Variants in ZNF345 observed in about 807,000 individuals in gnomAD.
ZNF345 encodes the protein zinc finger protein 345, also known as zinc finger protein HZF10.
For synonymous variants in ZNF345, 166 were observed against 187.9 expected (o/e 0.88, Z 0.95); for missense variants, 527 against 589.9 (o/e 0.89, Z 1.10).
chr19:36,853,244 T>A (rs2072326252), intron 2 of ZNF345, among the ~76,000 whole-genome samples: 1 of 147,038 alleles, frequency 6.8e-6, no homozygotes, highest in Non-Finnish European at 1.5e-5. Flanking sequence ...TTTCTTTCTT[T>A]CTTTTTTTTT....
chr19:36,882,062 A>G (rs4452068), downstream of ZNF345, among the ~76,000 whole-genome samples: 2,040 of 142,784 alleles, frequency 0.014, 16 homozygotes, highest in Middle Eastern at 0.042. Context: ...TTTTTTTTTT[A>G]AAAAAAACCT....
In ZNF345 at chr19:36,877,339, G is replaced by T; in HGVS notation, c.509G>T (p.Gly170Val). The T allele has an allele frequency of 6.2e-7, 1 of 1,613,954 alleles. No individual in the cohort carries two copies. The highest frequency in any genetic ancestry group is 8.5e-7 in the Non-Finnish European group (1 of 1,179,978). ...GLIRHQIIHS[G>V]EKPYECKECG... ...ATTCGACATCAGATCATTCACAGTG[G>T]TGAGAAGCCTTATGAGTGTAAGGAA... The change falls in exon 3 of 3, where the codon GGT (glycine) becomes GTT (valine). Residue 170 changes from glycine (G) to valine (V), a missense_variant. By Grantham distance (109) the Gly-to-Val change is moderately radical. Transcript: ENST00000420450.
chr19:36,862,599 G>T (rs1438316762), intron 2 of ZNF345, among the ~76,000 whole-genome samples: 6 of 150,648 alleles, frequency 4.0e-5, no homozygotes, highest in Admixed American at 4.0e-4. Context: ...GGGAGGCAGA[G>T]GTTGCAGTGA....
chr19:36,859,315 C>T (rs1161533996), intron 2 of ZNF345, among the ~76,000 whole-genome samples: 2 of 151,828 alleles, frequency 1.3e-5, no homozygotes, highest in Non-Finnish European at 1.5e-5. Context: ...ACCGCCACAC[C>T]CAGCTAATAT....
chr19:36,850,733 G>A (rs1444168401), upstream of ZNF345: 2 of 152,242 alleles, frequency 1.3e-5, no homozygotes, highest in African/African-American at 4.8e-5. Flanking sequence ...GCCAGAGTCC[G>A]CGCCAGGGGA....
intron 2 of ZNF345, among the ~76,000 whole-genome samples, chr19:36,861,221 A>T (rs2072540075): frequency 6.6e-6 from 1 of 152,178 alleles, no homozygotes; most frequent in African/African-American, 2.4e-5. Context: ...TGGAATGATA[A>T]GATGTTCCAG....
intron 3 of ZNF345, chr19:36,891,472 T>G: frequency 1.3e-6 from 2 of 1,516,934 alleles, no homozygotes; most frequent in Non-Finnish European, 1.8e-6. Flanking sequence ...GTTAACAAAA[T>G]GGTCTTACTT....
chr19:36,864,366 A>G (rs1247192583), intron 2 of ZNF345, among the ~76,000 whole-genome samples: 6 of 151,900 alleles, frequency 3.9e-5, no homozygotes, highest in Admixed American at 6.6e-5. Flanking sequence ...AAAACAGCCA[A>G]TTAGCCAGGT....
chr19:36,884,762 GAC>G (rs1243867115), intron 3 of ZNF345, among the ~76,000 whole-genome samples: 1 of 152,168 alleles, frequency 6.6e-6, no homozygotes, highest in African/African-American at 2.4e-5. Flanking sequence ...GCCAAACCAA[GAC>G]ACTGTTATTG....
At chr19:36,884,046 T>C (rs1344426139), downstream of ZNF345, among the ~76,000 whole-genome samples, 2 of 149,434 alleles carry the variant, frequency 1.3e-5, no homozygotes, top group Admixed American at 1.3e-4. Flanking sequence ...GATAATACTA[T>C]ACCTATGATT....
In ZNF345 at chr19:36,892,072, T is replaced by C. The variant is rs760218666; in HGVS notation, c.47-746T>C. The stretch of plus-strand genomic sequence containing the variant: ...GGCTTTTCCACATTCCTTACATTCA[T>C]AGGGTTTCTCACCAGTGTGAATCCT... On this transcript the variant is annotated intron_variant, in intron 3 of 3. Coordinates refer to the ZNF345 transcript ENST00000526123. The C allele has an allele frequency of 2.5e-6, 4 of 1,613,954 alleles. No individual in the cohort carries two copies. The South Asian group carries it at 3.3e-5, about 13-fold the overall frequency.
intron 2 of ZNF345, chr19:36,862,849 C>G (rs916810748): frequency 1.3e-5 from 2 of 151,918 alleles, no homozygotes; most frequent in Non-Finnish European, 2.9e-5. Flanking sequence ...GGAAACAGGG[C>G]CTTTAATTCA....
rs1389869907 is a variant in ZNF345, at chr19:36,877,799, T to C, written c.969T>C (p.Phe323=). 4 of 1,613,870 alleles carry C rather than the reference T, an allele frequency of 2.5e-6. No homozygotes were observed. The highest frequency in any genetic ancestry group is 3.4e-6 in the Non-Finnish European group (4 of 1,179,982). ...PYECKECEKA[F]RSGSKLIQHQ... The stretch of plus-strand genomic sequence containing the variant: ...AGTGTAAGGAGTGTGAGAAAGCCTT[T>C]AGAAGTGGTTCAAAACTTATTCAGC... Residue 323 remains phenylalanine, a synonymous_variant, in exon 3 of 3, where the codon TTT becomes TTC. Transcript: ENST00000420450.
At chr19:36,883,521 A>G (rs2072980279), downstream of ZNF345, among the ~76,000 whole-genome samples, 1 of 152,230 alleles carries the variant, frequency 6.6e-6, no homozygotes, top group Non-Finnish European at 1.5e-5. Flanking sequence ...TATATAAAAT[A>G]CTGGTGGCAA....
chr19:36,854,710 G>T (rs115715610), intron 2 of ZNF345: 1 of 152,106 alleles, frequency 6.6e-6, no homozygotes, highest in Non-Finnish European at 1.5e-5. Context: ...GTTTTTGGAA[G>T]TGGGGATATG....
At chr19:36,861,014 G>A (rs775386895) in intron 2 of ZNF345, among the ~76,000 whole-genome samples, 18 of 152,044 alleles carry the variant, frequency 1.2e-4, no homozygotes, top group Non-Finnish European at 2.2e-4. Context: ...ATAAAGAAGA[G>A]CTTTCCCTTC....
intron 2 of ZNF345, among the ~76,000 whole-genome samples, chr19:36,867,132 C>G (rs567732750): frequency 4.6e-5 from 7 of 152,226 alleles, no homozygotes; most frequent in African/African-American, 1.7e-4. Context: ...GTATATTTGC[C>G]GCCGCCTTTG....
chr19:36,887,084 A>G lies in ZNF345; in HGVS notation c.47-5734A>G, dbSNP rs932528887. Among the ~76,000 whole-genome samples the G allele has an allele frequency of 1.1e-4, 16 of 151,770 alleles. No individual in the cohort carries two copies. In the East Asian group the frequency reaches 2.5e-3, roughly 24 times the overall value. On this transcript the variant is annotated intron_variant, in intron 3 of 3. Coordinates refer to the ZNF345 transcript ENST00000526123. ...AGGCTGAGGCAGGAGATCCACTTGAACCCGGGATTCACTGCAGAGATTGCA... is the reference window on the plus strand; with the variant it reads ...AGGCTGAGGCAGGAGATCCACTTGAGCCCGGGATTCACTGCAGAGATTGCA...
At chr19:36,867,760 G>A (rs913787075) in intron 2 of ZNF345, among the ~76,000 whole-genome samples, 1 of 152,044 alleles carries the variant, frequency 6.6e-6, no homozygotes, top group South Asian at 2.1e-4. Context: ...CCATTCAGTG[G>A]ACTTACTATC....
Sources: allele counts gnomAD v4.1 joint callset (sites outside exome capture counted in the v4.1 genomes callset), GRCh38; gene constraint gnomAD v4.1.1; transcripts MANE v1.5; gene names NCBI Gene and HGNC (gene_info 2026-07-23, HGNC 2026-07-21).